The following SYT14 variants were observed in gnomAD, a reference collection of about 807,000 sequenced individuals.
SYT14 encodes the protein synaptotagmin 14.
A neutral mutation model predicts 74.2 loss-of-function variants in SYT14; 32 were observed. That is an observed-to-expected ratio of 0.43 (90% CI 0.33 to 0.58). SYT14 has a LOEUF of 0.58. SYT14 is among the 20% of genes least tolerant of loss of function. SYT14 has a pLI of 0.05. For missense variants in SYT14, 791 were observed against 981.8 expected (o/e 0.81, Z 2.60); for synonymous variants, 298 against 337.7 (o/e 0.88, Z 1.29).
intron 7 of SYT14, among the ~76,000 whole-genome samples, chr1:210,120,302 T>C (rs1044245075): frequency 6.6e-6 from 1 of 152,056 alleles, no homozygotes; most frequent in South Asian, 2.1e-4. Flanking sequence ...GATCACATAA[T>C]TGATGGTGAT....
intron 5 of SYT14, among the ~76,000 whole-genome samples, chr1:210,024,209 T>C (rs1357735808): frequency 6.6e-6 from 1 of 152,202 alleles, no homozygotes; most frequent in African/African-American, 2.4e-5. Context: ...AAAAGTTTTT[T>C]ACTAAGGAAC....
intron 7 of SYT14, among the ~76,000 whole-genome samples, chr1:210,124,051 C>T (rs1019341233): frequency 6.6e-6 from 1 of 152,080 alleles, no homozygotes; most frequent in Non-Finnish European, 1.5e-5. Flanking sequence ...TGGCCTTCCA[C>T]CTGTTTTTGT....
At chr1:210,059,613 C>T (rs1350373268) in intron 5 of SYT14, among the ~76,000 whole-genome samples, 2 of 151,720 alleles carry the variant, frequency 1.3e-5, no homozygotes, top group Non-Finnish European at 2.9e-5. Context: ...TGTTTTCTTC[C>T]CAGGGTGTGA....
chr1:209,957,660 C>T (rs2079014626), intron 2 of SYT14, among the ~76,000 whole-genome samples: 2 of 152,094 alleles, frequency 1.3e-5, no homozygotes, highest in African/African-American at 4.8e-5. Flanking sequence ...CTCCCTACTT[C>T]AGGTGATCTA....
chr1:209,989,468 T>C (rs1257513269), intron 2 of SYT14, among the ~76,000 whole-genome samples: 2 of 152,224 alleles, frequency 1.3e-5, no homozygotes, highest in African/African-American at 4.8e-5. Flanking sequence ...TACATTTACC[T>C]TAAGGAAAGG....
intron 5 of SYT14, among the ~76,000 whole-genome samples, chr1:210,062,682 T>C (rs1165504014): frequency 1.3e-5 from 2 of 152,064 alleles, no homozygotes; most frequent in Admixed American, 6.6e-5. Context: ...TACCTTTCAC[T>C]CCCATTTCAA....
chr1:210,012,553 T>C (rs979265977), intron 2 of SYT14, among the ~76,000 whole-genome samples: 2 of 152,022 alleles, frequency 1.3e-5, no homozygotes, highest in African/African-American at 2.4e-5. Flanking sequence ...AAAAGAGAGG[T>C]TGGAGCTTTA....
chr1:210,152,484 ATTTATTT>A (rs2083184446), intron 7 of SYT14, among the ~76,000 whole-genome samples: 1 of 152,172 alleles, frequency 6.6e-6, no homozygotes, highest in African/African-American at 2.4e-5. Flanking sequence ...AGTTCTGTAT[ATTTATTT>A]TTATCGTTGT....
rs140783035 is a variant in SYT14 at position 210,103,765 on chromosome 1, A to G, written c.2034+3304A>G. ...TAGACCAAGTGATCTCTAAAGGCCT[A>G]TCCATCTCTGATATTGTCTAATTAT... On this transcript the variant is annotated intron_variant, in intron 7 of 9. Coordinates refer to ENST00000637265, the Ensembl canonical transcript of SYT14. Among the ~76,000 whole-genome samples, 5 of 152,308 alleles carry G rather than the reference A, an allele frequency of 3.3e-5. No individual in the cohort carries two copies. In the East Asian group the frequency reaches 7.7e-4, roughly 23 times the overall value.
At chr1:210,053,388 A>T (rs1264048660) in intron 5 of SYT14, among the ~76,000 whole-genome samples, 2 of 152,214 alleles carry the variant, frequency 1.3e-5, no homozygotes, top group African/African-American at 4.8e-5. Context: ...ATTGGTATAG[A>T]TCATTTAGGG....
intron 5 of SYT14, among the ~76,000 whole-genome samples, chr1:210,072,371 A>C (rs2081411606): frequency 6.6e-6 from 1 of 151,988 alleles, no homozygotes; most frequent in Non-Finnish European, 1.5e-5. Flanking sequence ...GGTAAAATAC[A>C]TAAAAGGTTC....
chr1:209,993,062 G>C (rs574182011), intron 2 of SYT14, among the ~76,000 whole-genome samples: 2 of 152,178 alleles, frequency 1.3e-5, no homozygotes, highest in Non-Finnish European at 2.9e-5. Context: ...GGATCTTGCT[G>C]GGGATAGGCA....
intron 5 of SYT14, among the ~76,000 whole-genome samples, chr1:210,051,574 T>C (rs1427959129): frequency 1.3e-5 from 2 of 152,218 alleles, no homozygotes; most frequent in African/African-American, 4.8e-5. Context: ...CATTCCTGTG[T>C]TTTGTTTTGA....
chr1:210,025,037 A>T (rs995564129), intron 5 of SYT14, among the ~76,000 whole-genome samples: 1 of 152,188 alleles, frequency 6.6e-6, no homozygotes, highest in Non-Finnish European at 1.5e-5. Context: ...TGCCGCCTTC[A>T]CTTTCTTAGC....
Position 210,094,317 on chromosome 1 carries a change from A to T in SYT14, c.1313-5A>T. The T allele has an allele frequency of 6.2e-7, 1 of 1,613,796 alleles. No individual in the cohort carries two copies. Among genetic ancestry groups the T allele is most frequent in the Non-Finnish European group, 8.5e-7 (1 of 1,179,790 alleles). On this transcript the variant is annotated splice_region_variant and splice_polypyrimidine_tract_variant and intron_variant, in intron 5 of 9. Coordinates refer to ENST00000637265, the Ensembl canonical transcript of SYT14. The stretch of plus-strand genomic sequence containing the variant: ...AACAGTGACCAGATTCTTAATCATT[A>T]TCAGGAAACTGCATTCAGAGAATGA...
At chr1:210,076,137 C>G (rs1418210352) in intron 5 of SYT14, among the ~76,000 whole-genome samples, 1 of 152,094 alleles carries the variant, frequency 6.6e-6, no homozygotes, top group Non-Finnish European at 1.5e-5. Context: ...CTTAGAATCT[C>G]AGAGACAAGT....
chr1:209,998,847 GA>G (rs776574664), intron 2 of SYT14, among the ~76,000 whole-genome samples: 1 of 151,802 alleles, frequency 6.6e-6, no homozygotes, highest in Non-Finnish European at 1.5e-5. Context: ...ACTACTGAAA[GA>G]AAAAAGGAGA....
chr1:210,111,922 T>C (rs2082270135), intron 7 of SYT14, among the ~76,000 whole-genome samples: 1 of 151,218 alleles, frequency 6.6e-6, no homozygotes, highest in South Asian at 2.1e-4. Flanking sequence ...GGTGTGTTTT[T>C]AAAAGACCAT....
intron 5 of SYT14, among the ~76,000 whole-genome samples, chr1:210,033,074 C>A (rs1316315939): frequency 6.6e-6 from 1 of 151,684 alleles, no homozygotes; most frequent in Admixed American, 6.6e-5. Context: ...ATAGCAAAAA[C>A]CTACACTGAA....
Sources: gnomAD v4.1 joint callset for allele counts (sites outside exome capture counted in the v4.1 genomes callset) on GRCh38, gnomAD v4.1.1 for gene constraint, MANE v1.5 for transcripts, NCBI Gene and HGNC (gene_info 2026-07-23, HGNC 2026-07-21) for gene names.